ATP11A: variants seen among roughly 807,000 people sequenced by gnomAD.
The protein encoded by ATP11A is phospholipid-transporting ATPase IH.
Under a neutral mutation model 154.4 loss-of-function variants are expected in ATP11A, and 81 were observed. The ratio of observed to expected loss-of-function variants is 0.52; its 90% CI spans 0.44 to 0.63. The LOEUF is 0.63. Among genes scored for constraint, ATP11A ranks in the 30% least tolerant of loss-of-function variants. The pLI, the probability that ATP11A is intolerant of heterozygous loss-of-function variation, is 0.00. For synonymous variants in ATP11A, 623 were observed against 585.9 expected (o/e 1.06, Z -0.91); for missense variants, 1,316 against 1,474.3 (o/e 0.89, Z 1.76).
intron 1 of ATP11A, among the ~76,000 whole-genome samples, chr13:112,714,396 C>G (rs1381473400): frequency 6.6e-6 from 1 of 152,168 alleles, no homozygotes; most frequent in Non-Finnish European, 1.5e-5. Context: ...CGGTGACTTT[C>G]CTATGTGTGT....
chr13:112,869,309 A>G lies in ATP11A; in HGVS notation c.2992-2426A>G, dbSNP rs1222476667. On this transcript the variant is annotated intron_variant, in intron 25 of 29. Coordinates refer to ENST00000375645, the MANE Select transcript of ATP11A (RefSeq NM_015205.3). ...GATAGCTGTGCTTTGTTCCTCACCTATAAAGCTTACAGCTGTGGCCCATGT... is the reference window on the plus strand; with the variant it reads ...GATAGCTGTGCTTTGTTCCTCACCTGTAAAGCTTACAGCTGTGGCCCATGT... 3.3e-5 allele frequency among the ~76,000 whole-genome samples: 5 copies of G among 152,208 alleles called. No individual in the cohort carries two copies. The South Asian group carries it at 6.2e-4, about 19-fold the overall frequency.
At position 112,883,463 on chromosome 13, in the gene ATP11A, C is replaced by T. The variant is rs2080928473; in HGVS notation, c.*1597C>T. The T allele has an allele frequency of 2.8e-6, 1 of 357,228 alleles. No individual in the cohort carries two copies. Among genetic ancestry groups the T allele is most frequent in the South Asian group, 1.5e-4 (1 of 6,640 alleles). 22.1% of individuals were successfully genotyped at this position (357,228 alleles called of 1,614,324 possible). On this transcript the variant is annotated 3_prime_UTR_variant, in exon 30 of 30. Transcript: ENST00000375645. ...CCCCGCGCCACGCTGTGGAACGGGG[C>T]TCCGGCAAGTGAAACCCAGAGGGTG...
intron 29 of ATP11A, among the ~76,000 whole-genome samples, chr13:112,879,450 C>T (rs1449793350): frequency 6.6e-6 from 1 of 152,222 alleles, no homozygotes; most frequent in Non-Finnish European, 1.5e-5. Context: ...ATTTTAATGA[C>T]TCATAAGAGG....
intron 20 of ATP11A, among the ~76,000 whole-genome samples, chr13:112,857,480 A>G (rs1056469931): frequency 1.3e-5 from 2 of 152,224 alleles, no homozygotes; most frequent in Non-Finnish European, 2.9e-5. Flanking sequence ...GGATTTACAC[A>G]CTTTTCCATA....
At chr13:112,743,179 AT>A (rs1296000261) in intron 1 of ATP11A, among the ~76,000 whole-genome samples, 3 of 152,178 alleles carry the variant, frequency 2.0e-5, no homozygotes, top group African/African-American at 7.2e-5. Context: ...GAACACATGT[AT>A]TTTGTGAGAT....
intron 1 of ATP11A, among the ~76,000 whole-genome samples, chr13:112,712,709 G>C (rs1037935025): frequency 6.6e-6 from 1 of 152,192 alleles, no homozygotes; most frequent in Non-Finnish European, 1.5e-5. Context: ...CTCTATGGCC[G>C]GACCACAGTC....
In ATP11A at chr13:112,819,895, G is replaced by A. The variant is rs201407372; in HGVS notation, c.675-5G>A. ...CGGTCAGTAACGTGGCTTTTCTGTC[G>A]CCAGGTTCGTGGGTCGCATCAACGT... On this transcript the variant is annotated splice_polypyrimidine_tract_variant and splice_region_variant and intron_variant, in intron 7 of 29. Coordinates refer to ENST00000375645, the MANE Select transcript of ATP11A (RefSeq NM_015205.3). 352 of 1,613,894 alleles carry A rather than the reference G, an allele frequency of 2.2e-4. No individual in the cohort carries two copies. Among genetic ancestry groups the A allele is most frequent in the Non-Finnish European group, 2.8e-4 (328 of 1,179,984 alleles).
At chr13:112,864,795 G>A (rs1371995483) in intron 25 of ATP11A, among the ~76,000 whole-genome samples, 14 of 75,664 alleles carry the variant, frequency 1.9e-4, no homozygotes, top group Non-Finnish European at 2.7e-4. Context: ...GCTTCTCAGC[G>A]GGGTCCATCA....
At chr13:112,694,784 G>A (rs1383067546) in intron 1 of ATP11A, among the ~76,000 whole-genome samples, 1 of 152,094 alleles carries the variant, frequency 6.6e-6, no homozygotes, top group African/African-American at 2.4e-5. Flanking sequence ...AACATTGAAG[G>A]ATCTGAAGGA....
intron 1 of ATP11A, among the ~76,000 whole-genome samples, chr13:112,771,278 G>A (rs1286264623): frequency 1.3e-5 from 2 of 152,190 alleles, no homozygotes; most frequent in Non-Finnish European, 2.9e-5. Context: ...AACTTCGAAT[G>A]CGGAAACATC....
At chr13:112,701,726 G>A (rs113923885) in intron 1 of ATP11A, among the ~76,000 whole-genome samples, 33 of 152,182 alleles carry the variant, frequency 2.2e-4, no homozygotes, top group African/African-American at 7.2e-4. Context: ...CCAGCTACTC[G>A]GGAGGCTGAG....
intron 25 of ATP11A, among the ~76,000 whole-genome samples, chr13:112,863,015 G>A (rs868787686): frequency 4.7e-3 from 685 of 144,888 alleles, no homozygotes; most frequent in African/African-American, 0.018. Flanking sequence ...TCCCAGCGGG[G>A]TCCATCACCA....
At chr13:112,852,245 C>G (rs980859860) in intron 18 of ATP11A, among the ~76,000 whole-genome samples, 33 of 152,294 alleles carry the variant, frequency 2.2e-4, no homozygotes, top group African/African-American at 7.2e-4. Context: ...AGTTTATCTC[C>G]TAGAAGAGGT....
rs536377808 is a variant in ATP11A at position 112,859,130 on chromosome 13, A to T, written c.2668-263A>T. The T allele has an allele frequency of 1.2e-4, 59 of 487,758 alleles. No individual in the cohort carries two copies. The highest frequency in any genetic ancestry group is 9.7e-4 in the African/African-American group (50 of 51,318). The allele number at this position is 487,758 out of a possible 1,614,324, so 30.2% of individuals were successfully genotyped here. Reference sequence around the variant, plus strand: ...GTTCGATTCTTTCCCGTTTATACTGATACCTGCATTGCCTTCTTGTTTCTC... The same window carrying T: ...GTTCGATTCTTTCCCGTTTATACTGTTACCTGCATTGCCTTCTTGTTTCTC... On this transcript the variant is annotated intron_variant, in intron 22 of 29. Coordinates refer to ENST00000375645, the MANE Select transcript of ATP11A (RefSeq NM_015205.3). This position sits in a 1 kb window ranked among gnomAD's most constrained non-coding sequence, Gnocchi z 4.3.
chr13:112,776,272 G>A (rs9324329), intron 1 of ATP11A, among the ~76,000 whole-genome samples: 4 of 151,840 alleles, frequency 2.6e-5, no homozygotes, highest in African/African-American at 7.2e-5. Flanking sequence ...GAGCAAAAGC[G>A]CAGGCCAGAT....
In ATP11A at chr13:112,873,583, A is replaced by T. The variant is rs772081538; in HGVS notation, c.3068A>T (p.Asp1023Val). The change falls in exon 27 of 30, where the codon GAC (aspartate) becomes GTC (valine). Residue 1023 changes from aspartate (D) to valine (V), a missense_variant. Coordinates refer to ENST00000375645, the MANE Select transcript of ATP11A (RefSeq NM_015205.3). ...TTTTTTTCCTTTTAGCTTGCATTGGACACACACTACTGGACTTGGATCAAC... is the reference window on the plus strand; with the variant it reads ...TTTTTTTCCTTTTAGCTTGCATTGGTCACACACTACTGGACTTGGATCAAC... ...VFTVTLKLAL[D>V]THYWTWINHF... 3.1e-6 allele frequency: 5 copies of T among 1,603,700 alleles called. No homozygotes were observed. The highest frequency in any genetic ancestry group is 4.2e-6 in the Non-Finnish European group (5 of 1,177,166).
intron 1 of ATP11A, among the ~76,000 whole-genome samples, chr13:112,698,077 A>G (rs890568305): frequency 1.3e-5 from 2 of 152,174 alleles, no homozygotes; most frequent in African/African-American, 2.4e-5. Context: ...ATGTGGCTGC[A>G]CGGGCGCACT....
rs551134538 is a variant in ATP11A, at chr13:112,859,449, A to G, written c.2724A>G (p.Gln908=). ...FLYQFFCGFS[Q]QTLYDTAYLT... Reference sequence around the variant, plus strand: ...ACCAGTTCTTCTGTGGGTTTTCACAACAGGTCAGTCCTAGGGTCTTCAGGG... The same window carrying G: ...ACCAGTTCTTCTGTGGGTTTTCACAGCAGGTCAGTCCTAGGGTCTTCAGGG... The change falls in exon 23 of 30, where the codon CAA becomes CAG. Residue 908 remains glutamine, a synonymous_variant. Transcript: ENST00000375645. The surrounding 1 kb of genome is among the most constrained non-coding windows in gnomAD (Gnocchi z 4.3). 6.8e-6 allele frequency: 11 copies of G among 1,613,380 alleles called. No individual in the cohort carries two copies. The highest frequency in any genetic ancestry group is 3.3e-5 in the South Asian group (3 of 91,060).
intron 2 of ATP11A, 32 bp from the exon 3 acceptor site, chr13:112,804,925 C>A: frequency 7.1e-7 from 1 of 1,409,720 alleles, no homozygotes; most frequent in South Asian, 1.2e-5. Flanking sequence ...AATCTGATCT[C>A]AATGATGGAT....
Sources: gnomAD v4.1 joint callset for allele counts (sites outside exome capture counted in the v4.1 genomes callset) on GRCh38, gnomAD v4.1.1 for gene constraint, Gnocchi (gnomAD v3.1) non-coding constraint, MANE v1.5 for transcripts, NCBI Gene and HGNC (gene_info 2026-07-23, HGNC 2026-07-21) for gene names.